Variants in ADK observed in about 807,000 individuals in gnomAD.
The protein encoded by ADK is N6,N6-dimethyladenosine kinase.
Under a neutral mutation model 44.7 loss-of-function variants are expected in ADK, and 24 were observed. That is an observed-to-expected ratio of 0.54 (90% CI 0.39 to 0.76). The LOEUF is 0.76. ADK is among the 30% of genes least tolerant of loss of function. The probability of loss-of-function intolerance (pLI) is 0.00; values close to 1 mark genes in which losing one functional copy is unlikely to be tolerated. For synonymous variants in ADK, 128 were observed against 142.6 expected (o/e 0.90, Z 0.73); for missense variants, 321 against 425.1 (o/e 0.76, Z 2.15).
At chr10:74,651,087 G>C (rs1854249452) in intron 9 of ADK, among the ~76,000 whole-genome samples, 1 of 152,134 alleles carries the variant, frequency 6.6e-6, no homozygotes, top group Non-Finnish European at 1.5e-5. Flanking sequence ...ATGATATTTG[G>C]GGTGGTGGTG....
intron 1 of ADK, among the ~76,000 whole-genome samples, chr10:74,193,573 C>T (rs1157487452): frequency 6.6e-6 from 1 of 152,086 alleles, no homozygotes; most frequent in African/African-American, 2.4e-5. Context: ...TAGCTTGAGC[C>T]CAAGAGTTTG....
chr10:74,288,704 T>C (rs748408483), intron 3 of ADK, among the ~76,000 whole-genome samples: 9 of 152,174 alleles, frequency 5.9e-5, no homozygotes, highest in Non-Finnish European at 1.3e-4. Flanking sequence ...TAAAAAGTCT[T>C]ATTACGTTTT....
chr10:74,609,488 G>A (rs1257352803), intron 9 of ADK, among the ~76,000 whole-genome samples: 4 of 152,130 alleles, frequency 2.6e-5, no homozygotes, highest in Non-Finnish European at 5.9e-5. Context: ...CTTGACTAGG[G>A]GAGGGAGTTC....
At chr10:74,218,566 T>C (rs1403549883) in intron 2 of ADK, among the ~76,000 whole-genome samples, 1 of 151,970 alleles carries the variant, frequency 6.6e-6, no homozygotes, top group East Asian at 1.9e-4. Context: ...CACATAATTG[T>C]CAGATTCACC....
chr10:74,165,765 T>C (rs1302253650), intron 1 of ADK, among the ~76,000 whole-genome samples: 1 of 152,172 alleles, frequency 6.6e-6, no homozygotes, highest in East Asian at 1.9e-4. Context: ...TTAAAGAAAT[T>C]CTGTGGCAAT....
At chr10:74,382,880 T>A (rs1213685587) in intron 4 of ADK, among the ~76,000 whole-genome samples, 1 of 151,996 alleles carries the variant, frequency 6.6e-6, no homozygotes, top group Non-Finnish European at 1.5e-5. Context: ...GTTAGTCACC[T>A]AATGAAATCT....
intron 3 of ADK, among the ~76,000 whole-genome samples, chr10:74,292,764 C>T (rs1839665554): frequency 6.6e-6 from 1 of 151,886 alleles, no homozygotes; most frequent in East Asian, 1.9e-4. Context: ...TCACTTATAC[C>T]ATCTAAATCG....
At chr10:74,163,688 C>T (rs10824090) in intron 1 of ADK, among the ~76,000 whole-genome samples, 30,597 of 152,050 alleles carry the variant, frequency 0.2, 4,086 homozygotes, top group African/African-American at 0.38. Context: ...CCTTTAATCT[C>T]GATATAGCAA....
chr10:74,375,815 G>A (rs1365958658), intron 4 of ADK, among the ~76,000 whole-genome samples: 1 of 152,102 alleles, frequency 6.6e-6, no homozygotes, highest in Non-Finnish European at 1.5e-5. Context: ...ATCTTTCTCT[G>A]TCTTGGTTAT....
At chr10:74,444,113 A>G (rs1418791769) in intron 6 of ADK, among the ~76,000 whole-genome samples, 2 of 152,158 alleles carry the variant, frequency 1.3e-5, no homozygotes, top group Non-Finnish European at 2.9e-5. Flanking sequence ...TATTAACTCT[A>G]TGGTGCTTCA....
chr10:74,583,278 G>A (rs1386241418), intron 7 of ADK, among the ~76,000 whole-genome samples: 3 of 152,158 alleles, frequency 2.0e-5, no homozygotes, highest in African/African-American at 4.8e-5. Context: ...CATTCTAGTG[G>A]TAGGAGACTT....
chr10:74,681,209 G>T (rs1297061455), intron 10 of ADK, among the ~76,000 whole-genome samples: 1 of 152,066 alleles, frequency 6.6e-6, no homozygotes, highest in Non-Finnish European at 1.5e-5. Context: ...CATATTTTCT[G>T]GTTTTCAGTT....
chr10:74,272,224 T>G (rs998981060), intron 3 of ADK, among the ~76,000 whole-genome samples: 4 of 152,196 alleles, frequency 2.6e-5, no homozygotes, highest in African/African-American at 9.6e-5. Flanking sequence ...TCTTTGAAAA[T>G]GTAGATTTAA....
intron 4 of ADK, among the ~76,000 whole-genome samples, chr10:74,322,708 T>C (rs945346567): frequency 1.3e-5 from 2 of 151,750 alleles, no homozygotes; most frequent in Non-Finnish European, 2.9e-5. Flanking sequence ...TTTCTCCCTC[T>C]CTCCTTTCCT....
At chr10:74,610,766 A>G (rs2133993168) in intron 9 of ADK, among the ~76,000 whole-genome samples, 1 of 152,198 alleles carries the variant, frequency 6.6e-6, no homozygotes, top group South Asian at 2.1e-4. Context: ...AAAAACTAAC[A>G]GTGTTCTTTA....
intron 7 of ADK, among the ~76,000 whole-genome samples, chr10:74,533,732 G>T (rs1457024967): frequency 1.3e-5 from 2 of 152,116 alleles, no homozygotes; most frequent in African/African-American, 4.8e-5. Flanking sequence ...TTCTTACAAA[G>T]TTAAATATAC....
In ADK at chr10:74,503,537, T is replaced by A. The variant is rs35291653; in HGVS notation, c.556-21719T>A. On this transcript the variant is annotated intron_variant, in intron 6 of 10. Transcript: ENST00000539909. ...TGTTGCAGTAGGGTTTACAAAGTAA[T>A]GAGAGTTATCAACTAAAGTTATATT... is the stretch of plus-strand genomic sequence containing the variant. 4.3e-3 allele frequency among the ~76,000 whole-genome samples: 651 copies of A among 152,282 alleles called. 3 individuals are homozygous for A. The highest frequency in any genetic ancestry group is 6.9e-3 in the Non-Finnish European group (470 of 68,024).
intron 6 of ADK, among the ~76,000 whole-genome samples, chr10:74,418,306 A>T (rs1301962281): frequency 2.0e-5 from 3 of 152,106 alleles, no homozygotes; most frequent in African/African-American, 7.2e-5. Context: ...TTGTCGATAA[A>T]CTTCCCAGCT....
chr10:74,396,041 A>C (rs530096694), intron 5 of ADK, among the ~76,000 whole-genome samples: 1 of 152,286 alleles, frequency 6.6e-6, no homozygotes, highest in African/African-American at 2.4e-5. Context: ...AACAGTTATG[A>C]TAATATTAGA....
Sources: allele counts gnomAD v4.1 joint callset (sites outside exome capture counted in the v4.1 genomes callset), GRCh38; gene constraint gnomAD v4.1.1; transcripts MANE v1.5; gene names NCBI Gene and HGNC (gene_info 2026-07-23, HGNC 2026-07-21).